The following PTPRK variants were observed in gnomAD, a reference collection of about 807,000 sequenced individuals.
PTPRK encodes the protein protein tyrosine phosphatase receptor type K, also known as receptor-type tyrosine-protein phosphatase kappa.
PTPRK carries 75 observed loss-of-function variants against 178.0 expected under a neutral mutation model. The ratio of observed to expected loss-of-function variants is 0.42; its 90% CI spans 0.35 to 0.51. PTPRK has a LOEUF of 0.51. Ranked by LOEUF, PTPRK falls within the 20% of genes least tolerant of loss-of-function variation. The pLI, the probability that PTPRK is intolerant of heterozygous loss-of-function variation, is 0.02. For synonymous variants in PTPRK, 637 were observed against 620.6 expected (o/e 1.03, Z -0.39); for missense variants, 1,441 against 1,797.8 (o/e 0.80, Z 3.59).
intron 7 of PTPRK, among the ~76,000 whole-genome samples, chr6:128,157,210 T>C (rs1015860410): frequency 2.0e-5 from 3 of 152,052 alleles, no homozygotes; most frequent in African/African-American, 7.2e-5. Context: ...TAAGCTTTCA[T>C]GTCTGAGCAT....
chr6:128,153,139 A>T (rs549493274), intron 7 of PTPRK, among the ~76,000 whole-genome samples: 29 of 152,194 alleles, frequency 1.9e-4, no homozygotes, highest in African/African-American at 7.0e-4. Flanking sequence ...AAATATGTGA[A>T]GAAATTAGTT....
At chr6:128,089,108 A>G (rs946488775) in intron 8 of PTPRK, among the ~76,000 whole-genome samples, 2 of 152,118 alleles carry the variant, frequency 1.3e-5, no homozygotes, top group South Asian at 4.2e-4. Context: ...ATTGGCAGGC[A>G]CCCGCCACCA....
chr6:128,024,841 G>A (rs1194236484), intron 13 of PTPRK, among the ~76,000 whole-genome samples: 2 of 151,860 alleles, frequency 1.3e-5, no homozygotes, highest in Non-Finnish European at 2.9e-5. Context: ...AACAAACCAG[G>A]CCTATATTGT....
At chr6:127,976,617 C>G in intron 27 of PTPRK, 40 bp downstream of exon 27, 1 of 1,609,674 alleles carries the variant, frequency 6.2e-7, no homozygotes, top group South Asian at 1.1e-5. Context: ...TTATGACTGA[C>G]CTATTCTAGA....
chr6:128,347,833 C>T (rs574602250), intron 2 of PTPRK, among the ~76,000 whole-genome samples: 35 of 152,108 alleles, frequency 2.3e-4, no homozygotes, highest in South Asian at 1.0e-3. Context: ...TATAACACTC[C>T]GATCTCTACG....
At chr6:128,306,197 A>T (rs946638166) in intron 3 of PTPRK, among the ~76,000 whole-genome samples, 1 of 152,226 alleles carries the variant, frequency 6.6e-6, no homozygotes, top group Non-Finnish European at 1.5e-5. Context: ...ATACCAGGGA[A>T]TAAAGGAAAA....
chr6:128,416,210 A>T (rs1458582928), intron 1 of PTPRK, among the ~76,000 whole-genome samples: 1 of 152,142 alleles, frequency 6.6e-6, no homozygotes, highest in Admixed American at 6.5e-5. Context: ...AAGATCTGAC[A>T]TATTAACTAA....
At chr6:128,463,768 T>TTTTTTG (rs1849397150) in intron 1 of PTPRK, among the ~76,000 whole-genome samples, 1 of 145,518 alleles carries the variant, frequency 6.9e-6, no homozygotes, top group African/African-American at 2.6e-5. Flanking sequence ...TTTTTTTTTT[T>TTTTTTG]GAGACAGAGT....
intron 3 of PTPRK, among the ~76,000 whole-genome samples, chr6:128,261,443 T>C (rs1473909932): frequency 6.6e-6 from 1 of 152,220 alleles, no homozygotes; most frequent in Non-Finnish European, 1.5e-5. Context: ...AGGTATATTT[T>C]ATTATAATTT....
At chr6:128,086,478 G>A (rs1170998531) in intron 8 of PTPRK, among the ~76,000 whole-genome samples, 1 of 152,118 alleles carries the variant, frequency 6.6e-6, no homozygotes, top group Non-Finnish European at 1.5e-5. Flanking sequence ...GTTCTGGCGG[G>A]AAATGGTTCT....
Position 127,998,720 on chromosome 6 carries a change from C to A in PTPRK, c.2679G>T (p.Glu893Asp). ...SDSYGFKEEY[E>D]SFFEGQSASW... The stretch of plus-strand genomic sequence containing the variant: ...CAATACAGTATCAAAACTTATTCAC[C>A]TCATATTCCTCTTTGAACCCATAGC... Residue 893 changes from glutamate (E) to aspartate (D), a missense_variant and splice_region_variant, in exon 16 of 30, where the codon GAG (glutamate) becomes GAT (aspartate). Physicochemically the swap from Glu to Asp is conservative, Grantham distance 45 (BLOSUM62 2). Around this residue, in one of 4 missense-constraint regions of PTPRK, gnomAD observed 945 missense variants for 1,080.6 expected, o/e 0.87. Coordinates refer to ENST00000368226, the MANE Select transcript of PTPRK (RefSeq NM_002844.4). 1 of 1,561,392 alleles carries A rather than the reference C, an allele frequency of 6.4e-7. No homozygotes were observed. Among genetic ancestry groups the A allele is most frequent in the African/African-American group, 1.4e-5 (1 of 73,060 alleles).
chr6:128,269,126 T>C (rs569661219), intron 3 of PTPRK, among the ~76,000 whole-genome samples: 1 of 152,114 alleles, frequency 6.6e-6, no homozygotes, highest in East Asian at 1.9e-4. Flanking sequence ...AATACCTAAG[T>C]ACTTAAATTA....
intron 7 of PTPRK, among the ~76,000 whole-genome samples, chr6:128,174,214 T>C (rs776428664): frequency 1.2e-3 from 178 of 152,160 alleles, no homozygotes; most frequent in Admixed American, 4.4e-3. Context: ...GTCTCATACA[T>C]TGTGCTAAGT....
At chr6:128,199,331 A>C (rs966700141) in intron 6 of PTPRK, among the ~76,000 whole-genome samples, 2 of 152,140 alleles carry the variant, frequency 1.3e-5, no homozygotes, top group African/African-American at 2.4e-5. Flanking sequence ...CACAAACTTA[A>C]TGCTGAATGA....
intron 7 of PTPRK, among the ~76,000 whole-genome samples, chr6:128,153,880 C>G (rs757719254): frequency 1.0e-3 from 158 of 151,888 alleles, no homozygotes; most frequent in Non-Finnish European, 1.6e-3. Context: ...GGCTTTTATA[C>G]TATCCAGTAT....
chr6:128,065,058 A>T (rs1781524731), intron 12 of PTPRK, among the ~76,000 whole-genome samples: 1 of 152,206 alleles, frequency 6.6e-6, no homozygotes, highest in African/African-American at 2.4e-5. Context: ...AGTTTGTGAC[A>T]AGTAGTATAG....
At chr6:128,009,408 G>A in intron 13 of PTPRK, 140 bp from the exon 14 acceptor site, 1 of 746,488 alleles carries the variant, frequency 1.3e-6, no homozygotes, top group African/African-American at 1.8e-5. Flanking sequence ...AAATACAGAA[G>A]CATGCTAAAA....
At chr6:128,261,329 C>T (rs569615802) in intron 3 of PTPRK, among the ~76,000 whole-genome samples, 1 of 152,156 alleles carries the variant, frequency 6.6e-6, no homozygotes, top group South Asian at 2.1e-4. Context: ...TTCTAGAGGG[C>T]AAAAGATGTT....
At chr6:128,420,042 T>C (rs762121777) in intron 1 of PTPRK, among the ~76,000 whole-genome samples, 17 of 152,318 alleles carry the variant, frequency 1.1e-4, no homozygotes, top group Admixed American at 3.9e-4. Context: ...TGCGTAACAC[T>C]GAATGTGTAT....
Sources: allele counts gnomAD v4.1 joint callset (sites outside exome capture counted in the v4.1 genomes callset), GRCh38; gene constraint gnomAD v4.1.1; regional missense constraint gnomAD v4.1.1; transcripts MANE v1.5; gene names NCBI Gene and HGNC (gene_info 2026-07-23, HGNC 2026-07-21).